The following TFAP2D variants were observed in gnomAD, a reference collection of about 807,000 sequenced individuals.
TFAP2D encodes transcription factor AP-2 delta.
Under a neutral mutation model 43.6 loss-of-function variants are expected in TFAP2D, and 9 were observed. The observed-to-expected ratio is 0.21, with a 90% CI of 0.12 to 0.36. TFAP2D has a LOEUF of 0.36. Among genes scored for constraint, TFAP2D ranks in the 10% least tolerant of loss-of-function variants. The probability of loss-of-function intolerance (pLI) is 1.00; values close to 1 mark genes in which losing one functional copy is unlikely to be tolerated. For synonymous variants in TFAP2D, 256 were observed against 224.9 expected (o/e 1.14, Z -1.24); for missense variants, 513 against 561.4 (o/e 0.91, Z 0.87).
At chr6:50,749,247 C>T (rs1769166406) in intron 6 of TFAP2D, among the ~76,000 whole-genome samples, 1 of 151,590 alleles carries the variant, frequency 6.6e-6, no homozygotes, top group Non-Finnish European at 1.5e-5. Context: ...TTAAATTTTT[C>T]CACCTCTTTA....
At chr6:50,715,032 C>T in intron 1 of TFAP2D, 84 bp from the exon 2 acceptor site, 1 of 1,532,312 alleles carries the variant, frequency 6.5e-7, no homozygotes, top group Non-Finnish European at 8.8e-7. Context: ...GAGAAAGCTC[C>T]TGGCTCCGGG....
chr6:50,768,523 G>A (rs1244996182), intron 7 of TFAP2D, among the ~76,000 whole-genome samples: 1 of 151,790 alleles, frequency 6.6e-6, no homozygotes, highest in East Asian at 1.9e-4. Flanking sequence ...ATGTCACTGT[G>A]AATGAGATAC....
intron 7 of TFAP2D, among the ~76,000 whole-genome samples, chr6:50,769,335 A>T (rs1176209801): frequency 1.3e-5 from 2 of 152,214 alleles, no homozygotes; most frequent in East Asian, 3.9e-4. Flanking sequence ...TCATTTTACA[A>T]GGCTAAATAA....
intron 7 of TFAP2D, among the ~76,000 whole-genome samples, chr6:50,768,295 T>C (rs571179346): frequency 1.4e-5 from 2 of 143,956 alleles, no homozygotes; most frequent in Non-Finnish European, 1.5e-5. Flanking sequence ...TTTTTGGAGA[T>C]TCTACATTAT....
intron 3 of TFAP2D, among the ~76,000 whole-genome samples, chr6:50,727,843 G>T (rs1328330392): frequency 6.6e-6 from 1 of 152,196 alleles, no homozygotes; most frequent in Non-Finnish European, 1.5e-5. Flanking sequence ...TAGTCACCAT[G>T]CTAGCAGGGT....
At chr6:50,714,228 T>C in intron 1 of TFAP2D, 134 bp downstream of exon 1, 1 of 1,030,020 alleles carries the variant, frequency 9.7e-7, no homozygotes, top group South Asian at 1.5e-5. Context: ...TTAATTATAA[T>C]CTGTCTTTCG....
chr6:50,756,458 A>G (rs533608054), intron 7 of TFAP2D, among the ~76,000 whole-genome samples: 2 of 152,196 alleles, frequency 1.3e-5, no homozygotes, highest in South Asian at 2.1e-4. Flanking sequence ...AGTATACCTT[A>G]TAGGTTGGCT....
At chr6:50,734,239 C>A (rs933327621) in intron 5 of TFAP2D, among the ~76,000 whole-genome samples, 1 of 151,974 alleles carries the variant, frequency 6.6e-6, no homozygotes, top group Admixed American at 6.6e-5. Flanking sequence ...AATCTATTAA[C>A]CCTTTGCCTG....
chr6:50,742,582 A>T (rs375011441), intron 5 of TFAP2D, among the ~76,000 whole-genome samples: 1,422 of 53,240 alleles, frequency 0.027, 16 homozygotes, highest in African/African-American at 0.073. Context: ...ACATAGATAG[A>T]TAGATAGATA....
At chr6:50,715,952 G>A (rs1289527391) in intron 2 of TFAP2D, among the ~76,000 whole-genome samples, 1 of 152,096 alleles carries the variant, frequency 6.6e-6, no homozygotes, top group Non-Finnish European at 1.5e-5. Context: ...ACCCTGAGGG[G>A]ATGAGGTGGA....
At chr6:50,724,226 C>T (rs373036091) in intron 3 of TFAP2D, among the ~76,000 whole-genome samples, 2 of 152,048 alleles carry the variant, frequency 1.3e-5, no homozygotes, top group African/African-American at 2.4e-5. Flanking sequence ...GAAATGCAAC[C>T]GCAGAACAAA....
chr6:50,753,100 A>G (rs1008286851), intron 7 of TFAP2D, among the ~76,000 whole-genome samples: 3 of 151,926 alleles, frequency 2.0e-5, no homozygotes, highest in African/African-American at 7.2e-5. Context: ...TGCGCATAAT[A>G]AAAGGATTTA....
chr6:50,717,058 T>C (rs987365224), intron 2 of TFAP2D, among the ~76,000 whole-genome samples: 2 of 152,208 alleles, frequency 1.3e-5, no homozygotes, highest in African/African-American at 4.8e-5. Context: ...TCCCCTTATG[T>C]CTCAAGAGGG....
intron 6 of TFAP2D, among the ~76,000 whole-genome samples, chr6:50,747,743 A>G (rs890676101): frequency 6.6e-6 from 1 of 152,102 alleles, no homozygotes; most frequent in Non-Finnish European, 1.5e-5. Context: ...TGCGGGAGAA[A>G]TGCTAGAAGA....
intron 7 of TFAP2D, among the ~76,000 whole-genome samples, chr6:50,767,216 A>C (rs1428784696): frequency 6.6e-6 from 1 of 152,158 alleles, no homozygotes; most frequent in Admixed American, 6.5e-5. Flanking sequence ...GTACTATGTA[A>C]AATAGTAATA....
chr6:50,729,559 G>A (rs1768854342), intron 5 of TFAP2D, among the ~76,000 whole-genome samples: 1 of 152,070 alleles, frequency 6.6e-6, no homozygotes, highest in African/African-American at 2.4e-5. Context: ...GAGGTTTTGG[G>A]TACTTCTCCA....
chr6:50,751,664 C>T (rs1011110498), intron 7 of TFAP2D, among the ~76,000 whole-genome samples: 18 of 151,760 alleles, frequency 1.2e-4, no homozygotes, highest in East Asian at 7.8e-4. Context: ...GGCACTAATC[C>T]TATTCATGAG....
At position 50,746,636 on chromosome 6, in the gene TFAP2D, A is replaced by G. The variant is rs1308119085; in HGVS notation, c.1025+1388A>G. Among the ~76,000 whole-genome samples, 4 of 152,168 alleles carry G rather than the reference A, an allele frequency of 2.6e-5. No homozygotes were observed. In the East Asian group the frequency reaches 7.7e-4, roughly 29 times the overall value. ...AGTAATTATTTAATGCCTTTACAAC[A>G]TACTGGCTGAGATTTAAATTGGCTC... On this transcript the variant is annotated intron_variant, in intron 6 of 7. Transcript: ENST00000008391.
intron 7 of TFAP2D, among the ~76,000 whole-genome samples, chr6:50,772,228 CCG>C: frequency 6.6e-6 from 1 of 151,882 alleles, no homozygotes; most frequent in African/African-American, 2.4e-5. Flanking sequence ...AACTCACACA[CCG>C]GGGCCTGTCA....
Sources: allele counts gnomAD v4.1 joint callset (sites outside exome capture counted in the v4.1 genomes callset), GRCh38; gene constraint gnomAD v4.1.1; transcripts MANE v1.5; gene names NCBI Gene and HGNC (gene_info 2026-07-23, HGNC 2026-07-21).